Variants in ADAM19 observed in about 807,000 individuals in gnomAD.
ADAM19 encodes disintegrin and metalloproteinase domain-containing protein 19.
Under a neutral mutation model 114.7 loss-of-function variants are expected in ADAM19, and 65 were observed. That is an observed-to-expected ratio of 0.57 (90% CI 0.46 to 0.70). The LOEUF is 0.70. Ranked by LOEUF, ADAM19 falls within the 30% of genes least tolerant of loss-of-function variation. ADAM19 has a pLI of 0.00. For missense variants in ADAM19, 1,063 were observed against 1,204.7 expected (o/e 0.88, Z 1.74); for synonymous variants, 466 against 460.5 (o/e 1.01, Z -0.15).
intron 14 of ADAM19, 111 bp downstream of exon 14, chr5:157,496,783 G>T (rs1335790899): frequency 2.2e-6 from 2 of 892,350 alleles, no homozygotes; most frequent in African/African-American, 1.8e-5. Flanking sequence ...GAAAGAGGTA[G>T]TATCTAGAGG....
chr5:157,536,834 G>A (rs1043041929), intron 4 of ADAM19, among the ~76,000 whole-genome samples: 1 of 152,188 alleles, frequency 6.6e-6, no homozygotes, highest in Admixed American at 6.5e-5. Context: ...TGATGCAGAG[G>A]GACCTCTCCT....
chr5:157,506,978 A>C, intron 10 of ADAM19, 78 bp downstream of exon 10: 1 of 1,221,024 alleles, frequency 8.2e-7, no homozygotes, highest in Non-Finnish European at 1.2e-6. Context: ...ATATCAACTT[A>C]TTATTCAAAA....
chr5:157,515,755 G>T (rs1756072180), intron 7 of ADAM19, among the ~76,000 whole-genome samples: 1 of 152,166 alleles, frequency 6.6e-6, no homozygotes, highest in African/African-American at 2.4e-5. Flanking sequence ...TCTGCACTGT[G>T]CCAGCATCAT....
At position 157,562,995 on chromosome 5, in the gene ADAM19, A is replaced by T. The variant is rs1056077143; in HGVS notation, c.251+1378T>A. 3.8e-4 allele frequency among the ~76,000 whole-genome samples: 58 copies of T among 152,142 alleles called. 1 individual carries two copies. The highest frequency in any genetic ancestry group is 1.5e-4 in the Non-Finnish European group (10 of 68,028). ...ACAGGCAACAACAGGGAACACTTAG[A>T]CTAGAGTTAATGGGAACAAAGCTGC... On this transcript the variant is annotated intron_variant, in intron 3 of 22. Transcript: ENST00000257527.
At chr5:157,552,729 G>A (rs1315295421) in intron 3 of ADAM19, among the ~76,000 whole-genome samples, 3 of 148,808 alleles carry the variant, frequency 2.0e-5, no homozygotes, top group African/African-American at 4.9e-5. Context: ...AGACATACCT[G>A]TGCTCCTGTG....
rs181394073 is a variant in ADAM19, at chr5:157,506,017, G to C, written c.991-209C>G. Among the ~76,000 whole-genome samples, 920 of 152,306 alleles carry C rather than the reference G, an allele frequency of 6.0e-3. 3 individuals are homozygous for C. Among genetic ancestry groups the C allele is most frequent in the Admixed American group, 0.011 (174 of 15,308 alleles). On this transcript the variant is annotated intron_variant, in intron 10 of 22. Coordinates refer to ENST00000257527, the MANE Select transcript of ADAM19 (RefSeq NM_033274.5). ...ATGTTTAAAAGTCCATGTTTCCTGA[G>C]TTCTCAAAGGTTGCAGACCACAACT...
At chr5:157,481,431 T>C (rs2113680922) in intron 22 of ADAM19, 1 of 673,076 alleles carries the variant, frequency 1.5e-6, no homozygotes, top group South Asian at 2.0e-5. Context: ...CTTCTACTAA[T>C]GCACTTCCTT....
chr5:157,558,222 T>C (rs1757418146), intron 3 of ADAM19, among the ~76,000 whole-genome samples: 1 of 152,194 alleles, frequency 6.6e-6, no homozygotes, highest in African/African-American at 2.4e-5. Context: ...CCAAAGAACA[T>C]GTGAAGAAAA....
At position 157,478,894 on chromosome 5, in the gene ADAM19, A is replaced by G; in HGVS notation, c.*2055T>C. The G allele has an allele frequency of 1.0e-6, 1 of 985,734 alleles. No homozygotes were observed. Among genetic ancestry groups the G allele is most frequent in the Non-Finnish European group, 1.2e-6 (1 of 829,930 alleles). 61.1% of individuals were successfully genotyped at this position (985,734 alleles called of 1,614,324 possible). On this transcript the variant is annotated 3_prime_UTR_variant, in exon 23 of 23. Transcript: ENST00000257527. ...GCTGTGGCGCTGTCATTTCAGAGCTATCTACCTCCTGATGTGAGGGAGAAA... is the reference window on the plus strand; with the variant it reads ...GCTGTGGCGCTGTCATTTCAGAGCTGTCTACCTCCTGATGTGAGGGAGAAA...
chr5:157,569,881 G>A (rs184687302), intron 2 of ADAM19, among the ~76,000 whole-genome samples: 175 of 152,106 alleles, frequency 1.2e-3, no homozygotes, highest in African/African-American at 3.6e-3. Context: ...CTACCACTTC[G>A]CAAGTGGCAG....
At chr5:157,499,773 C>T (rs936740592) in intron 12 of ADAM19, 111 bp from the exon 13 acceptor site, 87 of 419,872 alleles carry the variant, frequency 2.1e-4, no homozygotes, top group South Asian at 3.6e-4. Flanking sequence ...GCAACTATCT[C>T]TTTTTTTTTT....
At chr5:157,559,449 T>C (rs953126546) in intron 3 of ADAM19, among the ~76,000 whole-genome samples, 2 of 152,190 alleles carry the variant, frequency 1.3e-5, no homozygotes, top group African/African-American at 4.8e-5. Context: ...TGTAATAGAG[T>C]GATCCTGCTC....
intron 2 of ADAM19, among the ~76,000 whole-genome samples, chr5:157,569,784 A>G (rs1232150476): frequency 2.6e-5 from 4 of 152,142 alleles, no homozygotes. Flanking sequence ...AATCATTTTA[A>G]CCCAAAGAGA....
At chr5:157,482,375 T>C (rs1294575150) in intron 21 of ADAM19, among the ~76,000 whole-genome samples, 1 of 152,248 alleles carries the variant, frequency 6.6e-6, no homozygotes, top group Non-Finnish European at 1.5e-5. Context: ...CTGATGATAG[T>C]TTCTTTTGCT....
chr5:157,505,236 G>T (rs1178389608), intron 11 of ADAM19, among the ~76,000 whole-genome samples: 3 of 152,082 alleles, frequency 2.0e-5, no homozygotes, highest in African/African-American at 7.2e-5. Context: ...GGGGTGTGTG[G>T]ATGGCCCTCT....
chr5:157,518,180 G>A (rs545861642), intron 7 of ADAM19, among the ~76,000 whole-genome samples: 2 of 152,068 alleles, frequency 1.3e-5, no homozygotes, highest in African/African-American at 4.8e-5. Flanking sequence ...AGACAATTCC[G>A]GGTTCCTCAG....
chr5:157,556,381 G>C (rs930958377), intron 3 of ADAM19, among the ~76,000 whole-genome samples: 2 of 151,842 alleles, frequency 1.3e-5, no homozygotes, highest in Admixed American at 6.6e-5. Flanking sequence ...ACCATGCCCA[G>C]CTAATTTTTG....
intron 5 of ADAM19, among the ~76,000 whole-genome samples, chr5:157,523,135 G>C (rs1756352211): frequency 6.6e-6 from 1 of 152,122 alleles, no homozygotes; most frequent in Non-Finnish European, 1.5e-5. Flanking sequence ...CTCCAGGCAT[G>C]GGGACTAGGT....
At chr5:157,537,565 G>A (rs769870855) in intron 4 of ADAM19, among the ~76,000 whole-genome samples, 1 of 152,174 alleles carries the variant, frequency 6.6e-6, no homozygotes, top group African/African-American at 2.4e-5. Context: ...TGGATGAGAC[G>A]ACAGGATTAT....
Sources: gnomAD v4.1 joint callset for allele counts (sites outside exome capture counted in the v4.1 genomes callset) on GRCh38, gnomAD v4.1.1 for gene constraint, MANE v1.5 for transcripts, NCBI Gene and HGNC (gene_info 2026-07-23, HGNC 2026-07-21) for gene names.